The following ZHX3 variants were observed in gnomAD, a reference collection of about 807,000 sequenced individuals.
ZHX3 encodes the protein zinc fingers and homeoboxes 3, also known as zinc fingers and homeoboxes protein 3.
A neutral mutation model predicts 64.5 loss-of-function variants in ZHX3; 20 were observed. The observed-to-expected ratio is 0.31, with a 90% confidence interval of 0.22 to 0.45. The LOEUF (loss-of-function observed/expected upper bound fraction) is 0.45, where lower values mean the gene tolerates loss of function less well. Ranked by LOEUF, ZHX3 falls within the 20% of genes least tolerant of loss-of-function variation. The probability of loss-of-function intolerance (pLI) is 1.00; values close to 1 mark genes in which losing one functional copy is unlikely to be tolerated. For synonymous variants in ZHX3, 423 were observed against 461.6 expected, an observed-to-expected ratio of 0.92 and a Z score of 1.07; for missense variants, 1,041 against 1,195.8, an observed-to-expected ratio of 0.87 and a Z score of 1.91.
At chr20:41,253,794 G>GA (rs2042103949) in intron 2 of ZHX3, among the ~76,000 whole-genome samples, 1 of 152,122 alleles carries the variant, frequency 6.6e-6, no homozygotes, top group Non-Finnish European at 1.5e-5. Flanking sequence ...AGTGAGGGGG[G>GA]AATGCATCGA....
intron 2 of ZHX3, among the ~76,000 whole-genome samples, chr20:41,229,779 T>C (rs546214894): frequency 2.6e-5 from 4 of 152,236 alleles, no homozygotes; most frequent in Non-Finnish European, 4.4e-5. Context: ...TGTTGGGTTG[T>C]AGAAATTCTC....
At chr20:41,282,380 T>TTTTTTTTTTC (rs1345180313) in intron 1 of ZHX3, among the ~76,000 whole-genome samples, 1 of 147,348 alleles carries the variant, frequency 6.8e-6, no homozygotes, top group Non-Finnish European at 1.5e-5. Context: ...TTTTTTTTTT[T>TTTTTTTTTTC]GCGAAGTCTA....
intron 2 of ZHX3, among the ~76,000 whole-genome samples, chr20:41,250,873 AC>A (rs1162006004): frequency 6.6e-6 from 1 of 152,202 alleles, no homozygotes; most frequent in African/African-American, 2.4e-5. Context: ...CTGGCCGGGC[AC>A]ACTGGCTCAC....
intron 2 of ZHX3, among the ~76,000 whole-genome samples, chr20:41,258,647 T>A (rs1263587006): frequency 6.6e-6 from 1 of 152,214 alleles, no homozygotes; most frequent in African/African-American, 2.4e-5. Context: ...ACCACAGAAA[T>A]GATGTTGTGT....
chr20:41,203,493 G>A lies in ZHX3; in HGVS notation c.1424C>T (p.Ala475Val), dbSNP rs765640364. ...NTTSAVKVVN[A>V]AQSLLTACPS... ...GCAGGCCGTGAGGAGCGACTGGGCCGCATTGACCACCTTCACAGCTGACGT... is the reference window on the plus strand; with the variant it reads ...GCAGGCCGTGAGGAGCGACTGGGCCACATTGACCACCTTCACAGCTGACGT... The change falls in exon 3 of 4, where the codon GCG (alanine) becomes GTG (valine). Residue 475 changes from alanine (A) to valine (V), a missense_variant. Physicochemically the swap from Ala to Val is moderately conservative, Grantham distance 64. Transcript: ENST00000683867. The surrounding 1 kb of genome is among the most constrained non-coding windows in gnomAD (Gnocchi z 7.1). 4.0e-5 allele frequency: 65 copies of A among 1,614,050 alleles called. 1 individual carries two copies. Among genetic ancestry groups the A allele is most frequent in the Middle Eastern group, 1.6e-4 (1 of 6,084 alleles).
At chr20:41,246,901 C>A (rs1450371126) in intron 2 of ZHX3, among the ~76,000 whole-genome samples, 14 of 147,014 alleles carry the variant, frequency 9.5e-5, no homozygotes, top group African/African-American at 3.5e-4. Context: ...AACAAACAAA[C>A]AAACAAAAAA....
At chr20:41,296,661 GCTCT>G (rs1417538658) in intron 1 of ZHX3, among the ~76,000 whole-genome samples, 1 of 152,152 alleles carries the variant, frequency 6.6e-6, no homozygotes, top group African/African-American at 2.4e-5. Flanking sequence ...TCTCTACCCT[GCTCT>G]CTGTCTTGGC....
rs906083784 is a variant in ZHX3 at position 41,262,549 on chromosome 20, CTT to C, written c.-151+6439_-151+6440del. On this transcript the variant is annotated intron_variant, in intron 2 of 3. Transcript: ENST00000683867. ...ACTCACCAAACACCACTCCCTCTCT[CTT>C]TCTCTCTCTCTCTGTATCCAGTACA... is the stretch of plus-strand genomic sequence containing the variant. Among the ~76,000 whole-genome samples, 100 of 152,342 alleles carry C rather than the reference CTT, an allele frequency of 6.6e-4. 2 individuals are homozygous for C. The highest frequency in any genetic ancestry group is 5.9e-3 in the Admixed American group (90 of 15,302).
In ZHX3 at chr20:41,184,274, CA is replaced by C. The variant is rs2036351420; in HGVS notation, c.*916del. On this transcript the variant is annotated 3_prime_UTR_variant, in exon 4 of 4. Transcript: ENST00000683867. Reference sequence around the variant, plus strand: ...GCTTCAGGCTGTGGCTATAGATTTCCACTTACGTCCCTACCCCATGTCTTTT... The same window carrying C: ...GCTTCAGGCTGTGGCTATAGATTTCCCTTACGTCCCTACCCCATGTCTTTT... The C allele has an allele frequency of 2.0e-5, 3 of 152,242 alleles. No homozygotes were observed. Among genetic ancestry groups the C allele is most frequent in the African/African-American group, 7.2e-5 (3 of 41,418 alleles). The allele number at this position is 152,242 out of a possible 1,614,324, so 9.4% of individuals were successfully genotyped here.
At chr20:41,196,231 T>A (rs1169187229) in intron 3 of ZHX3, among the ~76,000 whole-genome samples, 1 of 138,486 alleles carries the variant, frequency 7.2e-6, no homozygotes, top group Non-Finnish European at 1.5e-5. Flanking sequence ...ATTCTGTCAT[T>A]TCTGTTTCAT....
chr20:41,256,482 A>C (rs1265520108), intron 2 of ZHX3, among the ~76,000 whole-genome samples: 1 of 151,916 alleles, frequency 6.6e-6, no homozygotes, highest in Admixed American at 6.6e-5. Context: ...CCTCATTTTT[A>C]GAAGGGGTAT....
intron 1 of ZHX3, among the ~76,000 whole-genome samples, chr20:41,305,379 G>A (rs2044944349): frequency 6.6e-6 from 1 of 152,162 alleles, no homozygotes; most frequent in African/African-American, 2.4e-5. Context: ...TGTGGTCCCA[G>A]CTACTCGGGA....
chr20:41,280,967 A>G (rs1448974738), intron 1 of ZHX3, among the ~76,000 whole-genome samples: 5 of 152,156 alleles, frequency 3.3e-5, no homozygotes, highest in Non-Finnish European at 7.3e-5. Flanking sequence ...AAGAGATCTG[A>G]GCATTAGGTT....
intron 2 of ZHX3, among the ~76,000 whole-genome samples, chr20:41,236,334 C>T (rs1403397724): frequency 6.6e-6 from 1 of 152,186 alleles, no homozygotes; most frequent in African/African-American, 2.4e-5. Context: ...GCCAAAAGAA[C>T]AAAGCTGGAG....
chr20:41,279,918 G>T (rs1264041842), intron 1 of ZHX3, among the ~76,000 whole-genome samples: 1 of 152,084 alleles, frequency 6.6e-6, no homozygotes, highest in Non-Finnish European at 1.5e-5. Flanking sequence ...AGTGAGCCCA[G>T]GACTGTCAGG....
At chr20:41,254,606 A>C (rs1298716759) in intron 2 of ZHX3, 1 of 152,230 alleles carries the variant, frequency 6.6e-6, no homozygotes, top group African/African-American at 2.4e-5. Context: ...CTTTGGGCAA[A>C]ATTCTTAAGC....
chr20:41,192,474 G>T (rs144216577), intron 3 of ZHX3, among the ~76,000 whole-genome samples: 5 of 152,322 alleles, frequency 3.3e-5, no homozygotes, highest in Non-Finnish European at 7.3e-5. Context: ...AGAGCACAGG[G>T]TTGCTGGCCA....
At position 41,202,411 on chromosome 20, in the gene ZHX3, G is replaced by C. The variant is rs2038305158; in HGVS notation, c.2506C>G (p.Pro836Ala). The C allele has an allele frequency of 1.9e-6, 3 of 1,614,142 alleles. No homozygotes were observed. Among genetic ancestry groups the C allele is most frequent in the South Asian group, 1.1e-5 (1 of 91,078 alleles). ...GGGGCAATGACCAGTAGCCCTGGTG[G>C]GAAGTTGCCTCGCTTATAGTCTTCG... ...WYEDYKRGNF[P>A]PGLLVIAPGN... The change falls in exon 3 of 4, where the codon CCA (proline) becomes GCA (alanine). Residue 836 changes from proline to alanine, a missense_variant. This residue lies in a region of ZHX3 where 649 missense variants were observed against 739.8 expected (regional missense o/e 0.88). Transcript: ENST00000683867. This position sits in a 1 kb window ranked among gnomAD's most constrained non-coding sequence, Gnocchi z 7.0.
chr20:41,217,959 G>C (rs559356819), intron 2 of ZHX3, among the ~76,000 whole-genome samples: 2 of 152,164 alleles, frequency 1.3e-5, no homozygotes, highest in East Asian at 3.8e-4. Context: ...AGGGTTCGAA[G>C]ATTTTACAAC....
Sources: gnomAD v4.1 joint callset for allele counts (sites outside exome capture counted in the v4.1 genomes callset) on GRCh38, gnomAD v4.1.1 for gene constraint, gnomAD v4.1.1 regional missense constraint, Gnocchi (gnomAD v3.1) non-coding constraint, MANE v1.5 for transcripts, NCBI Gene and HGNC (gene_info 2026-07-23, HGNC 2026-07-21) for gene names.